The following B4GALT2 variants were observed in gnomAD, a reference collection of about 807,000 sequenced individuals.
The protein encoded by B4GALT2 is N-acetyllactosamine synthase.
B4GALT2 carries 18 observed loss-of-function variants against 33.2 expected under a neutral mutation model. That is an observed-to-expected ratio of 0.54 (90% CI 0.38 to 0.80). The LOEUF is 0.80. Ranked by LOEUF, B4GALT2 falls within the 30% of genes least tolerant of loss-of-function variation. B4GALT2 has a pLI of 0.00. For synonymous variants in B4GALT2, 214 were observed against 217.6 expected, an observed-to-expected ratio of 0.98 and a Z score of 0.15; for missense variants, 404 against 526.2, an observed-to-expected ratio of 0.77 and a Z score of 2.27.
At position 43,982,149 on chromosome 1, in the gene B4GALT2, C is replaced by A. The variant is rs1052249027; in HGVS notation, c.549+225C>A. 7.9e-5 allele frequency among the ~76,000 whole-genome samples: 12 copies of A among 152,212 alleles called. No individual in the cohort carries two copies. The highest frequency in any genetic ancestry group is 2.7e-4 in the African/African-American group (11 of 41,458). On this transcript the variant is annotated intron_variant, in intron 3 of 6. Transcript: ENST00000372324. This position sits in a 1 kb window ranked among gnomAD's most constrained non-coding sequence, Gnocchi z 4.3. ...AGAAGGGGTTGAGCCCCACTCTCTACCCTTGGCAGGCCTCACCCCATGGTG... is the reference window on the plus strand; with the variant it reads ...AGAAGGGGTTGAGCCCCACTCTCTAACCTTGGCAGGCCTCACCCCATGGTG...
At position 43,985,701 on chromosome 1, in the gene B4GALT2, C is replaced by G. The variant is rs942457411; in HGVS notation, c.968+80C>G. ...AACTCTTGACCCCAAGTGGCCCAATCCCTGATCCCCCAGTGGGGGACCTCC... is the reference window on the plus strand; with the variant it reads ...AACTCTTGACCCCAAGTGGCCCAATGCCTGATCCCCCAGTGGGGGACCTCC... On this transcript the variant is annotated intron_variant, in intron 6 of 6. Coordinates refer to ENST00000372324, the MANE Select transcript of B4GALT2 (RefSeq NM_003780.5). 3 of 1,364,812 alleles carry G rather than the reference C, an allele frequency of 2.2e-6. No homozygotes were observed. The South Asian group carries it at 3.5e-5, about 16-fold the overall frequency. 84.5% of individuals were successfully genotyped at this position (1,364,812 alleles called of 1,614,324 possible).
At chr1:43,985,679 T>C in intron 6 of B4GALT2, 58 bp downstream of exon 6, 4 of 1,543,164 alleles carry the variant, frequency 2.6e-6, no homozygotes, top group Non-Finnish European at 3.6e-6. Flanking sequence ...TATCCCCAAC[T>C]CTTGACCCCA....
At chr1:43,986,774 G>A (rs1426305945) in intron 6 of B4GALT2, among the ~76,000 whole-genome samples, 1 of 152,212 alleles carries the variant, frequency 6.6e-6, no homozygotes, top group Non-Finnish European at 1.5e-5. Context: ...GCGGGGTGGG[G>A]TTTGTGTTTA....
rs761809022 is a variant in B4GALT2, at chr1:43,990,375, T to C, written c.1046T>C (p.Val349Ala). The change falls in exon 7 of 7, where the codon GTG becomes GCG. Residue 349 changes from valine to alanine, a missense_variant. Val to Ala is a moderately conservative substitution (Grantham distance 64). Coordinates refer to ENST00000372324, the MANE Select transcript of B4GALT2 (RefSeq NM_003780.5). ...IGSVRYQVLEVSRQPLFTNIT... is the reference protein window; with the variant it reads ...IGSVRYQVLEASRQPLFTNIT... ...TCAGTGCGGTACCAGGTCTTGGAGG[T>C]GTCTCGGCAACCACTCTTCACCAAT... The C allele has an allele frequency of 2.5e-6, 4 of 1,613,882 alleles. No homozygotes were observed. Among genetic ancestry groups the C allele is most frequent in the Non-Finnish European group, 3.4e-6 (4 of 1,179,992 alleles).
At position 43,989,223 on chromosome 1, in the gene B4GALT2, G is replaced by A. The variant is rs536894452; in HGVS notation, c.969-1075G>A. Among the ~76,000 whole-genome samples, 4 of 150,114 alleles carry A rather than the reference G, an allele frequency of 2.7e-5. No individual in the cohort carries two copies. The East Asian group carries it at 8.0e-4, about 30-fold the overall frequency. ...TCAGCTGGCGCAGTGGCAGGCATCT[G>A]TAATCCCAGCTACTCAGAAGGCTGA... On this transcript the variant is annotated intron_variant, in intron 6 of 6. Coordinates refer to ENST00000372324, the MANE Select transcript of B4GALT2 (RefSeq NM_003780.5).
At position 43,979,912 on chromosome 1, in the gene B4GALT2, T is replaced by A; in HGVS notation, c.-53+401T>A. The A allele has an allele frequency of 7.1e-7, 1 of 1,413,870 alleles. No individual in the cohort carries two copies. The highest frequency in any genetic ancestry group is 9.5e-7 in the Non-Finnish European group (1 of 1,050,600). 87.6% of individuals were successfully genotyped at this position (1,413,870 alleles called of 1,614,324 possible). A position where few individuals can be genotyped will look rare whatever the true frequency, so the allele number is the denominator to read the frequency against. The stretch of plus-strand genomic sequence containing the variant: ...TGCCAGCCCCGCCCAAACGCACCCC[T>A]CAGCCTGGCCGCCAGCCTGACCCAG... On this transcript the variant is annotated intron_variant, in intron 1 of 6. Transcript: ENST00000372324. The surrounding 1 kb of genome is among the most constrained non-coding windows in gnomAD (Gnocchi z 4.8).
At position 43,990,626 on chromosome 1, in the gene B4GALT2, C is replaced by T. The variant is rs2085720549; in HGVS notation, c.*178C>T. On this transcript the variant is annotated 3_prime_UTR_variant, in exon 7 of 7. Transcript: ENST00000372324. ...TTTCAGAACCCACTTTGGGGGGCCT[C>T]CTGCCTGGGCAGGCTCTTCAAGTGT... 4.7e-6 allele frequency: 4 copies of T among 850,244 alleles called. No individual in the cohort carries two copies. The highest frequency in any genetic ancestry group is 1.7e-5 in the African/African-American group (1 of 58,280). The allele number at this position is 850,244 out of a possible 1,614,324, so 52.7% of individuals were successfully genotyped here.
intron 6 of B4GALT2, among the ~76,000 whole-genome samples, chr1:43,986,420 A>G (rs2154303342): frequency 6.6e-6 from 1 of 152,290 alleles, no homozygotes; most frequent in African/African-American, 2.4e-5. Flanking sequence ...GGAGTTTGAA[A>G]TAGTTACTCA....
At chr1:43,990,230 G>A (rs1239090398) in intron 6 of B4GALT2, 68 bp from the exon 7 acceptor site, 5 of 1,587,288 alleles carry the variant, frequency 3.2e-6, no homozygotes, top group East Asian at 2.3e-5. Context: ...AGTTGGTTGG[G>A]GGGTGTAGGA....
At chr1:43,990,217 T>G (rs1040113226) in intron 6 of B4GALT2, 81 bp from the exon 7 acceptor site, 80 of 1,521,596 alleles carry the variant, frequency 5.3e-5, no homozygotes, top group African/African-American at 5.5e-5. Flanking sequence ...AGGGGGTCCA[T>G]TTAGTTGGTT....
chr1:43,981,008 GGTGTGGCCCACGA>G lies in B4GALT2; in HGVS notation c.-52-95_-52-83del, dbSNP rs1250779608. ...AAAGGGTATGAGCAGGTCAGTGTGA[GGTGTGGCCCACGA>G]GTGTGAGCAGCTGAGTGGGAGGTAG... On this transcript the variant is annotated intron_variant, in intron 1 of 6. Coordinates refer to ENST00000372324, the MANE Select transcript of B4GALT2 (RefSeq NM_003780.5). This position sits in a 1 kb window ranked among gnomAD's most constrained non-coding sequence, Gnocchi z 8.1. 7.1e-7 allele frequency: 1 copy of G among 1,404,170 alleles called. No individual in the cohort carries two copies. The highest frequency in any genetic ancestry group is 2.5e-5 in the East Asian group (1 of 39,800). 87.0% of individuals were successfully genotyped at this position (1,404,170 alleles called of 1,614,324 possible). A position where few individuals can be genotyped will look rare whatever the true frequency, so the allele number is the denominator to read the frequency against.
At chr1:43,985,962 T>C (rs569067728) in intron 6 of B4GALT2, 3 of 342,072 alleles carry the variant, frequency 8.8e-6, no homozygotes, top group African/African-American at 6.3e-5. Context: ...ACCTCACTTG[T>C]GCACCTGTGG....
chr1:43,990,235 G>A (rs2085713308), intron 6 of B4GALT2, 63 bp from the exon 7 acceptor site: 1 of 1,595,110 alleles, frequency 6.3e-7, no homozygotes, highest in Non-Finnish European at 8.6e-7. Flanking sequence ...GTTGGGGGGT[G>A]TAGGATTTTA....
rs778924749 is a variant in B4GALT2 at position 43,990,455 on chromosome 1, T to C, written c.*7T>C. 28 of 1,613,956 alleles carry C rather than the reference T, an allele frequency of 1.7e-5. No individual in the cohort carries two copies. The highest frequency in any genetic ancestry group is 2.2e-5 in the East Asian group (1 of 44,888). On this transcript the variant is annotated 3_prime_UTR_variant, in exon 7 of 7. Coordinates refer to ENST00000372324, the MANE Select transcript of B4GALT2 (RefSeq NM_003780.5). ...GTGGCCCCCTCGGGGCTGACACTAA[T>C]GGACAGAGGCTCTCGGTGCCGAAGA... is the stretch of plus-strand genomic sequence containing the variant.
intron 5 of B4GALT2, 35 bp downstream of exon 5, chr1:43,985,435 G>A (rs754836874): frequency 1.2e-6 from 1 of 825,388 alleles, no homozygotes. Flanking sequence ...AGGCTGGGTG[G>A]GGGGGGGAGG....
intron 1 of B4GALT2, chr1:43,980,157 G>C: frequency 1.2e-5 from 14 of 1,216,282 alleles, no homozygotes; most frequent in Non-Finnish European, 1.5e-5. Context: ...CTGTGATTCT[G>C]TGTGCCTGTG....
Position 43,981,636 on chromosome 1 carries a change from G to A in B4GALT2, c.314-53G>A. ...ACCCCCAGGCTGAGGGTGGGGGCTG[G>A]TATCTGTGGATTCTGGCCAATGCCC... On this transcript the variant is annotated intron_variant, in intron 2 of 6. Transcript: ENST00000372324. The surrounding 1 kb of genome is among the most constrained non-coding windows in gnomAD (Gnocchi z 8.1). 1 of 1,561,164 alleles carries A rather than the reference G, an allele frequency of 6.4e-7. No homozygotes were observed. The highest frequency in any genetic ancestry group is 8.7e-7 in the Non-Finnish European group (1 of 1,149,446).
Position 43,984,076 on chromosome 1 carries a change from C to T in B4GALT2, c.550-789C>T, listed in dbSNP as rs576927471. On this transcript the variant is annotated intron_variant, in intron 3 of 6. Coordinates refer to ENST00000372324, the MANE Select transcript of B4GALT2 (RefSeq NM_003780.5). This position sits in a 1 kb window ranked among gnomAD's most constrained non-coding sequence, Gnocchi z 5.6. ...CTGAATGCTCCCTGCTAGTCCTAGTCCAGAGTCTGGTGCTTAGGCCTACAT... is the reference window on the plus strand; with the variant it reads ...CTGAATGCTCCCTGCTAGTCCTAGTTCAGAGTCTGGTGCTTAGGCCTACAT... Among the ~76,000 whole-genome samples the T allele has an allele frequency of 6.6e-6, 1 of 152,228 alleles. No homozygotes were observed. The highest frequency in any genetic ancestry group is 2.4e-5 in the African/African-American group (1 of 41,452).
At chr1:43,989,659 A>G (rs550411949) in intron 6 of B4GALT2, among the ~76,000 whole-genome samples, 11 of 152,334 alleles carry the variant, frequency 7.2e-5, no homozygotes, top group African/African-American at 2.4e-4. Flanking sequence ...ATACGTCAAA[A>G]AGACAAAAGC....
Sources: gnomAD v4.1 joint callset for allele counts (sites outside exome capture counted in the v4.1 genomes callset) on GRCh38, gnomAD v4.1.1 for gene constraint, Gnocchi (gnomAD v3.1) non-coding constraint, MANE v1.5 for transcripts, NCBI Gene and HGNC (gene_info 2026-07-23, HGNC 2026-07-21) for gene names.